ATP8A2: variants seen among roughly 807,000 people sequenced by gnomAD.
ATP8A2 encodes phospholipid-transporting ATPase IB.
Under a neutral mutation model 165.6 loss-of-function variants are expected in ATP8A2, and 100 were observed. The ratio of observed to expected loss-of-function variants is 0.60; its 90% CI spans 0.51 to 0.71. ATP8A2 has a LOEUF of 0.71. Ranked by LOEUF, ATP8A2 falls within the 30% of genes least tolerant of loss-of-function variation. The pLI, the probability that ATP8A2 is intolerant of heterozygous loss-of-function variation, is 0.00. For synonymous variants in ATP8A2, 543 were observed against 548.8 expected, an observed-to-expected ratio of 0.99 and a Z score of 0.15; for missense variants, 1,227 against 1,479.5, an observed-to-expected ratio of 0.83 and a Z score of 2.80.
rs148109293 is a variant in ATP8A2, at chr13:25,787,119, G to A, written c.2679+12160G>A. On this transcript the variant is annotated intron_variant, in intron 27 of 36. Transcript: ENST00000381655. ...ACTCTTGACAAACACATAAACCAGT[G>A]CCATCACCAGGAAGTGGGCTTGCTT... is the stretch of plus-strand genomic sequence containing the variant. Among the ~76,000 whole-genome samples, 1,122 of 152,224 alleles carry A rather than the reference G, an allele frequency of 7.4e-3. 16 individuals are homozygous for A. The highest frequency in any genetic ancestry group is 0.026 in the African/African-American group (1,079 of 41,528).
intron 2 of ATP8A2, among the ~76,000 whole-genome samples, chr13:25,486,372 A>G (rs1241794777): frequency 6.6e-6 from 1 of 151,804 alleles, no homozygotes; most frequent in Non-Finnish European, 1.5e-5. Flanking sequence ...ATTTTAAACC[A>G]TAGTACTTTT....
At chr13:25,519,850 C>T (rs999246491) in intron 2 of ATP8A2, among the ~76,000 whole-genome samples, 3 of 152,150 alleles carry the variant, frequency 2.0e-5, no homozygotes, top group Admixed American at 2.0e-4. Flanking sequence ...CCCATTTACC[C>T]CTGGAGATGT....
chr13:25,997,411 C>T (rs1956534264), intron 35 of ATP8A2, among the ~76,000 whole-genome samples: 1 of 152,132 alleles, frequency 6.6e-6, no homozygotes, highest in Non-Finnish European at 1.5e-5. Context: ...TAAAATCTGT[C>T]TTGTTGTGGA....
rs2035615550 is a variant in ATP8A2 at position 25,465,663 on chromosome 13, T to TTTTCTTCCTTCC, written c.77-3308_77-3307insCCTTCCTTTCTT. Among the ~76,000 whole-genome samples, 111 of 86,452 alleles carry TTTTCTTCCTTCC rather than the reference T, an allele frequency of 1.3e-3. 5 individuals are homozygous for TTTTCTTCCTTCC. Among genetic ancestry groups the TTTTCTTCCTTCC allele is most frequent in the South Asian group, 5.1e-3 (11 of 2,148 alleles). The allele number at this position is 86,452 out of a possible 152,430, so 56.7% of individuals were successfully genotyped here. On this transcript the variant is annotated intron_variant, in intron 1 of 36. Coordinates refer to ENST00000381655, the MANE Select transcript of ATP8A2 (RefSeq NM_016529.6). ...TCACCTCCCCAGAAATCTTGCAGAG[T>TTTTCTTCCTTCC]TTTCTTTCTTTCTTTCTTTCTTTCT...
intron 35 of ATP8A2, among the ~76,000 whole-genome samples, chr13:25,990,811 C>T (rs1417352503): frequency 6.6e-6 from 1 of 152,236 alleles, no homozygotes; most frequent in Non-Finnish European, 1.5e-5. Flanking sequence ...AGAGCCTAGA[C>T]TATTCTTCAC....
At chr13:25,935,320 C>G (rs1954854330) in intron 33 of ATP8A2, among the ~76,000 whole-genome samples, 1 of 152,160 alleles carries the variant, frequency 6.6e-6, no homozygotes, top group South Asian at 2.1e-4. Flanking sequence ...AACTCTCCAC[C>G]ATTGTCAGAC....
chr13:25,831,155 C>T (rs1293533479), intron 28 of ATP8A2, among the ~76,000 whole-genome samples: 7 of 151,732 alleles, frequency 4.6e-5, no homozygotes, highest in Non-Finnish European at 7.4e-5. Context: ...TCTAAATGTA[C>T]TCTTTGTTTG....
At chr13:25,966,522 T>C (rs1438795652) in intron 34 of ATP8A2, among the ~76,000 whole-genome samples, 1 of 152,194 alleles carries the variant, frequency 6.6e-6, no homozygotes, top group Non-Finnish European at 1.5e-5. Flanking sequence ...TGCTGTTAAA[T>C]GCATGCAGAA....
At chr13:25,676,666 C>T (rs2042378838) in intron 24 of ATP8A2, among the ~76,000 whole-genome samples, 1 of 152,030 alleles carries the variant, frequency 6.6e-6, no homozygotes. Context: ...AGACAGACAA[C>T]ACATTAAGTG....
In ATP8A2 at chr13:25,502,141, C is replaced by T. The variant is rs147136289; in HGVS notation, c.222-27858C>T. Reference sequence around the variant, plus strand: ...TGCCTCAAAAATAAATTCTCAAATGCTGGCTATGATTTGGATCACGGGGTG... The same window carrying T: ...TGCCTCAAAAATAAATTCTCAAATGTTGGCTATGATTTGGATCACGGGGTG... On this transcript the variant is annotated intron_variant, in intron 2 of 36. Transcript: ENST00000381655. 5.0e-3 allele frequency among the ~76,000 whole-genome samples: 754 copies of T among 152,260 alleles called. 5 individuals carry two copies. The highest frequency in any genetic ancestry group is 0.018 in the African/African-American group (732 of 41,558).
At chr13:25,645,593 A>C (rs2041651687) in intron 24 of ATP8A2, among the ~76,000 whole-genome samples, 1 of 152,052 alleles carries the variant, frequency 6.6e-6, no homozygotes. Context: ...GCTGCATCCC[A>C]TGAGCTTTGG....
At chr13:25,644,910 A>T (rs1056575465) in intron 24 of ATP8A2, among the ~76,000 whole-genome samples, 8 of 151,870 alleles carry the variant, frequency 5.3e-5, no homozygotes, top group Non-Finnish European at 1.2e-4. Context: ...TGCCTCTTTC[A>T]TTGCTGATTT....
intron 27 of ATP8A2, among the ~76,000 whole-genome samples, chr13:25,807,843 C>T (rs747318403): frequency 6.6e-6 from 1 of 152,154 alleles, no homozygotes; most frequent in Non-Finnish European, 1.5e-5. Flanking sequence ...CCTAAAATCA[C>T]TTGTCTGTCT....
chr13:25,858,198 G>A (rs1952228136), intron 30 of ATP8A2, among the ~76,000 whole-genome samples: 1 of 152,210 alleles, frequency 6.6e-6, no homozygotes, highest in South Asian at 2.1e-4. Context: ...GCCAGTTCCT[G>A]AAAAGTGAAC....
At chr13:25,845,310 A>C (rs1315486014) in intron 30 of ATP8A2, among the ~76,000 whole-genome samples, 1 of 152,168 alleles carries the variant, frequency 6.6e-6, no homozygotes, top group Non-Finnish European at 1.5e-5. Context: ...ACCCTCCTTG[A>C]AGTGTAATGT....
chr13:25,514,590 C>G (rs1030100678), intron 2 of ATP8A2, among the ~76,000 whole-genome samples: 1 of 152,194 alleles, frequency 6.6e-6, no homozygotes, highest in African/African-American at 2.4e-5. Context: ...TTGGTGTAAC[C>G]AGAAGAAGGG....
chr13:25,898,603 G>C (rs1057094967), intron 33 of ATP8A2, among the ~76,000 whole-genome samples: 16 of 152,242 alleles, frequency 1.1e-4, no homozygotes, highest in African/African-American at 3.4e-4. Context: ...TCTTTTGTTT[G>C]TCTGTGCCCT....
chr13:25,618,115 TTCC>T (rs2040873472), intron 24 of ATP8A2, among the ~76,000 whole-genome samples: 1 of 152,176 alleles, frequency 6.6e-6, no homozygotes. Flanking sequence ...AGTCTTATGC[TTCC>T]TTTTACTTAG....
intron 25 of ATP8A2, among the ~76,000 whole-genome samples, chr13:25,739,018 C>T (rs148639091): frequency 1.4e-4 from 21 of 152,280 alleles, no homozygotes; most frequent in East Asian, 5.8e-4. Context: ...GTGGGAGGCA[C>T]GACTGAGAGA....
Sources: gnomAD v4.1 joint callset for allele counts (sites outside exome capture counted in the v4.1 genomes callset) on GRCh38, gnomAD v4.1.1 for gene constraint, MANE v1.5 for transcripts, NCBI Gene and HGNC (gene_info 2026-07-23, HGNC 2026-07-21) for gene names.